The following GALNTL6 variants were observed in gnomAD, a reference collection of about 807,000 sequenced individuals.
GALNTL6 encodes the protein polypeptide N-acetylgalactosaminyltransferase like 6.
Under a neutral mutation model 73.7 loss-of-function variants are expected in GALNTL6, and 46 were observed. The ratio of observed to expected loss-of-function variants is 0.62; its 90% confidence interval spans 0.49 to 0.80. The LOEUF is 0.80. Among genes scored for constraint, GALNTL6 ranks in the 30% least tolerant of loss-of-function variants. The pLI, the probability that GALNTL6 is intolerant of heterozygous loss-of-function variation, is 0.00. For missense variants in GALNTL6, 604 were observed against 755.0 expected, an observed-to-expected ratio of 0.80 and a Z score of 2.34; for synonymous variants, 259 against 263.7, an observed-to-expected ratio of 0.98 and a Z score of 0.17.
chr4:172,378,142 G>A (rs75141669), intron 5 of GALNTL6, among the ~76,000 whole-genome samples: 26 of 152,130 alleles, frequency 1.7e-4, no homozygotes, highest in African/African-American at 3.4e-4. Context: ...CAAAAGAGCC[G>A]CCCGAGTTAT....
Position 172,781,009 on chromosome 4 carries a change from A to G in GALNTL6, c.554-28352A>G, listed in dbSNP as rs556588565. 3.5e-3 allele frequency among the ~76,000 whole-genome samples: 538 copies of G among 152,362 alleles called. 3 individuals carry two copies. Among genetic ancestry groups the G allele is most frequent in the Non-Finnish European group, 6.3e-3 (428 of 68,026 alleles). ...ATTTGCCATTTGTCAGTAGGAAGAC[A>G]GGTAAGAGGAGACTTGGGAACACTA... On this transcript the variant is annotated intron_variant, in intron 5 of 12. Transcript: ENST00000506823.
intron 5 of GALNTL6, among the ~76,000 whole-genome samples, chr4:172,760,895 G>A (rs185347408): frequency 1.1e-3 from 168 of 152,270 alleles, no homozygotes; most frequent in Non-Finnish European, 2.1e-3. Flanking sequence ...AAAGTAACCC[G>A]AACGGTTGCC....
intron 7 of GALNTL6, among the ~76,000 whole-genome samples, chr4:172,828,973 C>T (rs1297367873): frequency 6.6e-6 from 1 of 152,194 alleles, no homozygotes; most frequent in East Asian, 1.9e-4. Flanking sequence ...GCTATGCATG[C>T]TCCCTCTGAA....
At chr4:172,785,753 A>G (rs1382413812) in intron 5 of GALNTL6, among the ~76,000 whole-genome samples, 1 of 150,398 alleles carries the variant, frequency 6.6e-6, no homozygotes, top group Non-Finnish European at 1.5e-5. Flanking sequence ...AGTTTTCCAG[A>G]GAGAAATTTA....
intron 3 of GALNTL6, among the ~76,000 whole-genome samples, chr4:172,249,639 T>A (rs1737786225): frequency 6.6e-6 from 1 of 152,114 alleles, no homozygotes; most frequent in South Asian, 2.1e-4. Flanking sequence ...CAGGATATGG[T>A]GCCCTATGTC....
chr4:172,500,238 T>A (rs1734213904), intron 5 of GALNTL6, among the ~76,000 whole-genome samples: 1 of 151,978 alleles, frequency 6.6e-6, no homozygotes, highest in African/African-American at 2.4e-5. Context: ...CTGAGCAACA[T>A]AATGAGACCT....
At chr4:172,455,371 C>T (rs568597611) in intron 5 of GALNTL6, among the ~76,000 whole-genome samples, 122 of 152,276 alleles carry the variant, frequency 8.0e-4, no homozygotes, top group African/African-American at 2.9e-3. Flanking sequence ...CATTCACTCC[C>T]CTGGAAAGGG....
intron 2 of GALNTL6, among the ~76,000 whole-genome samples, chr4:172,206,669 G>A (rs1736119614): frequency 6.6e-6 from 1 of 152,098 alleles, no homozygotes; most frequent in East Asian, 1.9e-4. Flanking sequence ...CGTCATGTAC[G>A]CAGCAGGGGA....
At chr4:172,340,846 C>T (rs184575388) in intron 4 of GALNTL6, among the ~76,000 whole-genome samples, 22 of 152,278 alleles carry the variant, frequency 1.4e-4, no homozygotes, top group Admixed American at 5.9e-4. Context: ...GTTTTATTCT[C>T]CAGATAAGGG....
chr4:172,498,209 C>G (rs1222071898), intron 5 of GALNTL6, among the ~76,000 whole-genome samples: 1 of 151,910 alleles, frequency 6.6e-6, no homozygotes, highest in Non-Finnish European at 1.5e-5. Flanking sequence ...AGGATGGTCT[C>G]TATCTCTTGA....
intron 9 of GALNTL6, among the ~76,000 whole-genome samples, chr4:172,943,483 G>A (rs1052596252): frequency 5.3e-5 from 8 of 152,292 alleles, no homozygotes; most frequent in Middle Eastern, 3.4e-3. Flanking sequence ...GTTTTAAGCC[G>A]CTCAGGTGTG....
At chr4:172,893,383 G>C (rs867121345) in intron 8 of GALNTL6, among the ~76,000 whole-genome samples, 5 of 149,666 alleles carry the variant, frequency 3.3e-5, no homozygotes, top group South Asian at 2.1e-4. Context: ...TCAAGCCAAA[G>C]ATCTCAGCTC....
intron 2 of GALNTL6, among the ~76,000 whole-genome samples, chr4:172,132,585 T>C (rs1250899647): frequency 6.6e-6 from 1 of 152,116 alleles, no homozygotes; most frequent in East Asian, 1.9e-4. Flanking sequence ...GTTTTTCTAT[T>C]CTCCCATGTC....
chr4:171,817,963 G>A (rs1017773224), intron 2 of GALNTL6, among the ~76,000 whole-genome samples: 1 of 151,112 alleles, frequency 6.6e-6, no homozygotes, highest in African/African-American at 2.4e-5. Context: ...ATTTTCAATT[G>A]ACTTAATTTT....
At chr4:171,929,092 G>T (rs1013493086) in intron 2 of GALNTL6, among the ~76,000 whole-genome samples, 1 of 152,008 alleles carries the variant, frequency 6.6e-6, no homozygotes, top group East Asian at 1.9e-4. Flanking sequence ...TTGAGATAAA[G>T]TCTCTGCTCT....
At chr4:172,208,203 T>C (rs1469068900) in intron 2 of GALNTL6, among the ~76,000 whole-genome samples, 1 of 152,214 alleles carries the variant, frequency 6.6e-6, no homozygotes, top group Non-Finnish European at 1.5e-5. Context: ...TGATACTGTC[T>C]CTTTTCCCCA....
At chr4:172,321,868 C>A (rs1428662644) in intron 4 of GALNTL6, among the ~76,000 whole-genome samples, 1 of 152,146 alleles carries the variant, frequency 6.6e-6, no homozygotes, top group African/African-American at 2.4e-5. Context: ...TTGGTCACAG[C>A]TGGCACTAGG....
intron 2 of GALNTL6, among the ~76,000 whole-genome samples, chr4:172,198,767 G>T (rs1270852093): frequency 6.6e-6 from 1 of 152,168 alleles, no homozygotes; most frequent in Admixed American, 6.5e-5. Context: ...TTAAAATCCA[G>T]TGCCTACTTG....
chr4:171,828,621 G>C (rs1553962842), intron 2 of GALNTL6, among the ~76,000 whole-genome samples: 1 of 151,926 alleles, frequency 6.6e-6, no homozygotes, highest in Non-Finnish European at 1.5e-5. Context: ...TGCCTTTTTT[G>C]TTGTTTGTTT....
Sources: gnomAD v4.1 joint callset for allele counts (sites outside exome capture counted in the v4.1 genomes callset) on GRCh38, gnomAD v4.1.1 for gene constraint, MANE v1.5 for transcripts, NCBI Gene and HGNC (gene_info 2026-07-23, HGNC 2026-07-21) for gene names.